Variants in RBFOX1 observed in about 807,000 individuals in gnomAD.
RBFOX1 encodes RNA binding fox-1 homolog 1, also known as RNA binding protein fox-1 homolog 1.
Under a neutral mutation model 57.7 loss-of-function variants are expected in RBFOX1, and 8 were observed. The ratio of observed to expected loss-of-function variants is 0.14; its 90% confidence interval spans 0.08 to 0.25. RBFOX1 has a LOEUF of 0.25. Ranked by LOEUF, RBFOX1 falls within the 10% of genes least tolerant of loss-of-function variation. The pLI is 1.00. For synonymous variants in RBFOX1, 326 were observed against 222.4 expected (o/e 1.47, Z -4.15); for missense variants, 611 against 548.5 (o/e 1.11, Z -1.14).
chr16:5,626,720 T>G (rs2048360424), intron 3 of RBFOX1, among the ~76,000 whole-genome samples: 1 of 152,156 alleles, frequency 6.6e-6, no homozygotes, highest in Non-Finnish European at 1.5e-5. Context: ...GGAATGAGTT[T>G]CCTTACTTTC....
intron 2 of RBFOX1, among the ~76,000 whole-genome samples, chr16:6,593,813 T>G (rs974535882): frequency 6.6e-6 from 1 of 152,166 alleles, no homozygotes; most frequent in South Asian, 2.1e-4. Context: ...AGATTTTCAA[T>G]GAGGACTACG....
At chr16:6,984,569 C>G in intron 3 of RBFOX1, among the ~76,000 whole-genome samples, 1 of 152,172 alleles carries the variant, frequency 6.6e-6, no homozygotes, top group East Asian at 1.9e-4. Context: ...TCCGGATTCA[C>G]TGAATGATGG....
At chr16:5,287,253 C>A (rs1012536176) in intron 1 of RBFOX1, among the ~76,000 whole-genome samples, 1 of 152,142 alleles carries the variant, frequency 6.6e-6, no homozygotes. Flanking sequence ...ATAGTGAGCT[C>A]TGACTGTTCC....
intron 2 of RBFOX1, among the ~76,000 whole-genome samples, chr16:6,369,693 C>G (rs2152889352): frequency 6.6e-6 from 1 of 152,242 alleles, no homozygotes. Context: ...CACTATCACG[C>G]ATTTTCTACA....
intron 1 of RBFOX1, among the ~76,000 whole-genome samples, chr16:6,179,824 T>C (rs934887272): frequency 6.6e-6 from 1 of 152,250 alleles, no homozygotes; most frequent in Non-Finnish European, 1.5e-5. Flanking sequence ...AGCAGCGTAG[T>C]TGGGTTTCAC....
intron 4 of RBFOX1, among the ~76,000 whole-genome samples, chr16:7,488,834 T>A (rs1339526256): frequency 6.6e-6 from 1 of 152,162 alleles, no homozygotes; most frequent in Admixed American, 6.5e-5. Flanking sequence ...ATCTATACAT[T>A]CTCACATCCA....
At chr16:7,435,496 C>G (rs1191968079) in intron 4 of RBFOX1, among the ~76,000 whole-genome samples, 1 of 152,170 alleles carries the variant, frequency 6.6e-6, no homozygotes, top group Admixed American at 6.6e-5. Flanking sequence ...AAGGAAATCA[C>G]TATGAGCAGT....
At chr16:5,627,132 G>C (rs1381056617) in intron 3 of RBFOX1, among the ~76,000 whole-genome samples, 1 of 152,124 alleles carries the variant, frequency 6.6e-6, no homozygotes, top group East Asian at 1.9e-4. Flanking sequence ...CTTAAATTAA[G>C]ATGCTGAAAA....
At chr16:5,298,028 T>G (rs1473421593) in intron 1 of RBFOX1, among the ~76,000 whole-genome samples, 1,638 of 152,334 alleles carry the variant, frequency 0.011, 21 homozygotes, top group African/African-American at 0.038. Flanking sequence ...TCCCATTGAA[T>G]TAACTTTTTG....
intron 3 of RBFOX1, among the ~76,000 whole-genome samples, chr16:6,734,115 C>A (rs1187855417): frequency 6.6e-6 from 1 of 152,148 alleles, no homozygotes; most frequent in African/African-American, 2.4e-5. Flanking sequence ...CAGAATTGCA[C>A]AGGGATCCGC....
At chr16:5,329,938 A>G (rs1029062616) in intron 1 of RBFOX1, among the ~76,000 whole-genome samples, 7 of 150,528 alleles carry the variant, frequency 4.7e-5, no homozygotes, top group Admixed American at 6.6e-5. Flanking sequence ...AGCTGAGTTC[A>G]TGCCACTGCA....
At chr16:7,303,657 A>C (rs530693633) in intron 4 of RBFOX1, among the ~76,000 whole-genome samples, 38 of 152,230 alleles carry the variant, frequency 2.5e-4, no homozygotes, top group African/African-American at 8.9e-4. Context: ...CCATTTGACA[A>C]ATGAGGAGAC....
Position 7,708,953 on chromosome 16 carries a change from G to A in RBFOX1, c.996-103G>A, listed in dbSNP as rs2083384768. ...TAGAATTTGCTTCTCACTGGAAGATGAGTAGGGCCCCTGCATACTGTCTTG... is the reference window on the plus strand; with the variant it reads ...TAGAATTTGCTTCTCACTGGAAGATAAGTAGGGCCCCTGCATACTGTCTTG... On this transcript the variant is annotated intron_variant, in intron 14 of 15. Transcript: ENST00000550418. 5 of 1,026,032 alleles carry A rather than the reference G, an allele frequency of 4.9e-6. No individual in the cohort carries two copies. In the South Asian group the frequency reaches 7.0e-5, roughly 14 times the overall value. The allele number at this position is 1,026,032 out of a possible 1,614,324, so 63.6% of individuals were successfully genotyped here. A position where few individuals can be genotyped will look rare whatever the true frequency, so the allele number is the denominator to read the frequency against.
intron 2 of RBFOX1, among the ~76,000 whole-genome samples, chr16:6,625,972 TTTTTGAATCTAATCAAAATTGA>T (rs1242091265): frequency 6.6e-6 from 1 of 152,188 alleles, no homozygotes; most frequent in Non-Finnish European, 1.5e-5. Flanking sequence ...TGTTCAGTAA[TTTTTGAATCTAATCAAAATTGA>T]TTTATGTGCA....
At chr16:5,996,960 C>A (rs768438880) in intron 4 of RBFOX1, among the ~76,000 whole-genome samples, 1 of 152,166 alleles carries the variant, frequency 6.6e-6, no homozygotes, top group African/African-American at 2.4e-5. Context: ...GACGAGCAAG[C>A]ACCTCCATCT....
chr16:5,426,308 C>G (rs1482876483), intron 1 of RBFOX1, among the ~76,000 whole-genome samples: 1 of 152,172 alleles, frequency 6.6e-6, no homozygotes, highest in African/African-American at 2.4e-5. Flanking sequence ...TGATCTGATT[C>G]AGGATGTCTG....
intron 1 of RBFOX1, among the ~76,000 whole-genome samples, chr16:6,022,395 T>C (rs1183322889): frequency 6.6e-6 from 1 of 152,176 alleles, no homozygotes; most frequent in Non-Finnish European, 1.5e-5. Context: ...ATATAAAATT[T>C]TGTGGCCAGG....
intron 3 of RBFOX1, among the ~76,000 whole-genome samples, chr16:6,879,657 G>C (rs1177239846): frequency 1.3e-5 from 2 of 152,140 alleles, no homozygotes; most frequent in Non-Finnish European, 2.9e-5. Context: ...AGGTCCAGTT[G>C]TGTTATTTCA....
intron 1 of RBFOX1, among the ~76,000 whole-genome samples, chr16:5,245,621 A>G (rs11076900): frequency 0.58 from 88,043 of 151,614 alleles, 26,237 homozygotes; most frequent in Non-Finnish European, 0.65. Context: ...TTGTATTTTT[A>G]GTAGAGATGA....
Sources: allele counts gnomAD v4.1 joint callset (sites outside exome capture counted in the v4.1 genomes callset), GRCh38; gene constraint gnomAD v4.1.1; transcripts MANE v1.5; gene names NCBI Gene and HGNC (gene_info 2026-07-23, HGNC 2026-07-21).